Variants in UBE2E3 observed in about 807,000 individuals in gnomAD.
UBE2E3 encodes the protein ubiquitin conjugating enzyme E2 E3, also known as ubiquitin-conjugating enzyme E2 E3.
A neutral mutation model predicts 23.6 loss-of-function variants in UBE2E3; 5 were observed. The ratio of observed to expected loss-of-function variants is 0.21; its 90% CI spans 0.11 to 0.44. UBE2E3 has a LOEUF of 0.44. UBE2E3 is among the 20% of genes least tolerant of loss of function. The pLI is 0.99. For synonymous variants in UBE2E3, 78 were observed against 87.5 expected (o/e 0.89, Z 0.60); for missense variants, 81 against 249.8 (o/e 0.32, Z 4.55).
chr2:181,001,577 G>A (rs1684992554), intron 3 of UBE2E3, among the ~76,000 whole-genome samples: 1 of 152,078 alleles, frequency 6.6e-6, no homozygotes, highest in Admixed American at 6.6e-5. Flanking sequence ...AGGCAGAAAA[G>A]TGAAGAAAAA....
At chr2:181,062,124 T>G (rs1363529741) in intron 5 of UBE2E3, among the ~76,000 whole-genome samples, 3 of 151,706 alleles carry the variant, frequency 2.0e-5, no homozygotes, top group African/African-American at 7.3e-5. Flanking sequence ...GGGTAACAAT[T>G]GTTTGCCAGG....
chr2:181,056,251 C>T (rs1686985535), intron 3 of UBE2E3, among the ~76,000 whole-genome samples: 1 of 151,704 alleles, frequency 6.6e-6, no homozygotes, highest in Non-Finnish European at 1.5e-5. Flanking sequence ...TACTTCTGTA[C>T]ATACGTACAG....
At chr2:180,992,557 G>T (rs1574160796) in intron 3 of UBE2E3, among the ~76,000 whole-genome samples, 1 of 152,204 alleles carries the variant, frequency 6.6e-6, no homozygotes, top group East Asian at 1.9e-4. Context: ...ACTTATATCT[G>T]TGTATCTTGT....
chr2:181,020,209 G>GCCGT (rs35291417), intron 3 of UBE2E3, among the ~76,000 whole-genome samples: 32,869 of 151,882 alleles, frequency 0.22, 4,102 homozygotes, highest in Non-Finnish European at 0.28. Flanking sequence ...TGTGGACAGG[G>GCCGT]CCGTGCTCCC....
chr2:181,043,114 G>A (rs142960055), intron 3 of UBE2E3, among the ~76,000 whole-genome samples: 13 of 152,278 alleles, frequency 8.5e-5, no homozygotes, highest in African/African-American at 3.1e-4. Context: ...GTATATAACA[G>A]GTTGAGCATC....
At chr2:181,060,105 G>C (rs561633108) in intron 4 of UBE2E3, among the ~76,000 whole-genome samples, 198 of 151,762 alleles carry the variant, frequency 1.3e-3, no homozygotes, top group Non-Finnish European at 2.3e-3. Context: ...CAGTGAACCA[G>C]CTGTAGAAAT....
At chr2:181,022,819 CTCAAAT>C (rs1286606601) in intron 3 of UBE2E3, among the ~76,000 whole-genome samples, 1 of 152,018 alleles carries the variant, frequency 6.6e-6, no homozygotes, top group African/African-American at 2.4e-5. Context: ...TCAGCTGGGA[CTCAAAT>C]TTTTCTCCAC....
intron 3 of UBE2E3, among the ~76,000 whole-genome samples, chr2:181,001,582 GA>G (rs909825979): frequency 2.6e-5 from 4 of 151,982 alleles, no homozygotes; most frequent in Admixed American, 2.6e-4. Flanking sequence ...GAAAAGTGAA[GA>G]AAAAAATAAA....
At chr2:181,035,063 A>G (rs1409786317) in intron 3 of UBE2E3, among the ~76,000 whole-genome samples, 2 of 152,312 alleles carry the variant, frequency 1.3e-5, no homozygotes, top group African/African-American at 4.8e-5. Context: ...TATACAAGTC[A>G]TTTGTAAACT....
At chr2:181,004,078 G>A (rs551528832) in intron 3 of UBE2E3, among the ~76,000 whole-genome samples, 15 of 152,164 alleles carry the variant, frequency 9.9e-5, no homozygotes, top group Admixed American at 7.9e-4. Flanking sequence ...TGGAGAGGCT[G>A]GGGTGGAGAG....
At chr2:181,030,513 A>G (rs958180671) in intron 3 of UBE2E3, among the ~76,000 whole-genome samples, 1 of 152,086 alleles carries the variant, frequency 6.6e-6, no homozygotes, top group African/African-American at 2.4e-5. Context: ...ATGTGTGTTC[A>G]TGATTTGAGA....
intron 3 of UBE2E3, among the ~76,000 whole-genome samples, chr2:180,986,921 A>G (rs773034952): frequency 6.6e-6 from 1 of 152,136 alleles, no homozygotes; most frequent in Non-Finnish European, 1.5e-5. Flanking sequence ...TTAATGAAAT[A>G]TTCTTTAATT....
At chr2:181,006,198 CAGTG>C (rs1232830756) in intron 3 of UBE2E3, among the ~76,000 whole-genome samples, 1 of 152,104 alleles carries the variant, frequency 6.6e-6, no homozygotes, top group Non-Finnish European at 1.5e-5. Flanking sequence ...ATAAAATAAA[CAGTG>C]AGAGCTAGAA....
chr2:180,982,324 T>A, intron 2 of UBE2E3, 88 bp downstream of exon 2: 1 of 1,184,446 alleles, frequency 8.4e-7, no homozygotes, highest in Non-Finnish European at 1.2e-6. Flanking sequence ...TCAATAGCAG[T>A]AGTTCAGAAA....
intron 3 of UBE2E3, among the ~76,000 whole-genome samples, chr2:180,989,134 G>A (rs755418531): frequency 9.2e-5 from 14 of 152,036 alleles, no homozygotes; most frequent in Non-Finnish European, 1.6e-4. Context: ...GGACTTGGGC[G>A]TTAGTGATAA....
At chr2:181,033,780 A>G (rs950561351) in intron 3 of UBE2E3, among the ~76,000 whole-genome samples, 2 of 152,214 alleles carry the variant, frequency 1.3e-5, no homozygotes, top group Non-Finnish European at 2.9e-5. Flanking sequence ...CAAGCTACCC[A>G]TCTGACAAAG....
At chr2:181,006,662 T>C (rs997831079) in intron 3 of UBE2E3, among the ~76,000 whole-genome samples, 1 of 148,510 alleles carries the variant, frequency 6.7e-6, no homozygotes, top group Non-Finnish European at 1.5e-5. Flanking sequence ...TAATTATAGA[T>C]TCATATGTGG....
chr2:181,006,891 A>G (rs569515971), intron 3 of UBE2E3, among the ~76,000 whole-genome samples: 58 of 152,294 alleles, frequency 3.8e-4, no homozygotes, highest in Non-Finnish European at 6.9e-4. Context: ...TTACTTAAAC[A>G]TTTTCAATTT....
At chr2:181,002,566 A>G (rs1328956598) in intron 3 of UBE2E3, among the ~76,000 whole-genome samples, 1 of 152,230 alleles carries the variant, frequency 6.6e-6, no homozygotes, top group Non-Finnish European at 1.5e-5. Flanking sequence ...TCAGTTTTCT[A>G]GTAGCCACAT....
Sources: allele counts gnomAD v4.1 joint callset (sites outside exome capture counted in the v4.1 genomes callset), GRCh38; gene constraint gnomAD v4.1.1; transcripts MANE v1.5; gene names NCBI Gene and HGNC (gene_info 2026-07-23, HGNC 2026-07-21).